LARP4: variants seen among roughly 807,000 people sequenced by gnomAD.
LARP4 encodes the protein la-related protein 4.
LARP4 carries 29 observed loss-of-function variants against 92.9 expected under a neutral mutation model. The ratio of observed to expected loss-of-function variants is 0.31; its 90% CI spans 0.23 to 0.43. The LOEUF (loss-of-function observed/expected upper bound fraction) is 0.43, where lower values mean the gene tolerates loss of function less well. Ranked by LOEUF, LARP4 falls within the 20% of genes least tolerant of loss-of-function variation. The pLI is 1.00. For synonymous variants in LARP4, 279 were observed against 284.1 expected, an observed-to-expected ratio of 0.98 and a Z score of 0.18; for missense variants, 732 against 860.0, an observed-to-expected ratio of 0.85 and a Z score of 1.86.
chr12:50,438,527 C>T (rs1268405801), intron 6 of LARP4, among the ~76,000 whole-genome samples: 1 of 150,730 alleles, frequency 6.6e-6, no homozygotes, highest in African/African-American at 2.4e-5. Context: ...GCAGGACTAA[C>T]CCTATTGTTC....
chr12:50,473,823 T>A (rs147592828), intron 14 of LARP4, among the ~76,000 whole-genome samples, 176 bp from the exon 15 acceptor site: 7 of 18,144 alleles, frequency 3.9e-4, no homozygotes, highest in Admixed American at 2.9e-3. Flanking sequence ...GTGGGGGGGG[T>A]GGGGGGTGCG....
chr12:50,430,948 C>T (rs1949559586), intron 4 of LARP4, among the ~76,000 whole-genome samples: 1 of 152,164 alleles, frequency 6.6e-6, no homozygotes, highest in Non-Finnish European at 1.5e-5. Context: ...AGGCGTATGG[C>T]ACCACACTCG....
intron 1 of LARP4, among the ~76,000 whole-genome samples, chr12:50,409,847 G>A (rs1945528938): frequency 6.6e-6 from 1 of 151,514 alleles, no homozygotes; most frequent in Admixed American, 6.6e-5. Flanking sequence ...TGCCCAGGCT[G>A]GAGCGATCTT....
intron 7 of LARP4, 61 bp from the exon 8 acceptor site, chr12:50,441,527 TAA>T (rs1209354809): frequency 1.7e-6 from 2 of 1,211,398 alleles, no homozygotes; most frequent in African/African-American, 3.1e-5. Flanking sequence ...CTCAACATAA[TAA>T]AGATAACTTT....
At chr12:50,429,418 T>A (rs1949301160) in intron 3 of LARP4, among the ~76,000 whole-genome samples, 1 of 151,710 alleles carries the variant, frequency 6.6e-6, no homozygotes, top group Non-Finnish European at 1.5e-5. Context: ...GAGACTAGCC[T>A]GGCCAACATG....
At chr12:50,459,906 A>G (rs1220430911) in intron 10 of LARP4, among the ~76,000 whole-genome samples, 1 of 151,516 alleles carries the variant, frequency 6.6e-6, no homozygotes, top group East Asian at 2.0e-4. Flanking sequence ...TGGGAGGCCA[A>G]GGTGGGCGGT....
intron 8 of LARP4, among the ~76,000 whole-genome samples, chr12:50,444,528 G>A (rs79326080): frequency 4.6e-5 from 7 of 152,114 alleles, no homozygotes; most frequent in African/African-American, 1.7e-4. Flanking sequence ...GGAAAGACAG[G>A]TGCAGAAGCA....
At chr12:50,461,007 T>G in intron 10 of LARP4, 128 bp from the exon 11 acceptor site, 1 of 714,918 alleles carries the variant, frequency 1.4e-6, no homozygotes. Context: ...TTTTACAACA[T>G]TATTCTTTTG....
rs1950289823 is a variant in LARP4, at chr12:50,435,639, C to CT, written c.535+19dup. 6.5e-7 allele frequency: 1 copy of CT among 1,536,392 alleles called. No homozygotes were observed. ...AGTGTTAAGATGTATGTAAAAATAC[C>CT]TTTTAGCTTTTTTTTTAATTTTTAA... On this transcript the variant is annotated intron_variant, in intron 5 of 15. Transcript: ENST00000398473.
intron 6 of LARP4, among the ~76,000 whole-genome samples, chr12:50,439,729 T>C (rs1347930873): frequency 2.0e-5 from 3 of 152,224 alleles, no homozygotes; most frequent in Non-Finnish European, 4.4e-5. Flanking sequence ...TCAGTAGATA[T>C]TTTCTTTCCT....
At chr12:50,417,578 C>T (rs998224808) in intron 1 of LARP4, among the ~76,000 whole-genome samples, 4 of 152,134 alleles carry the variant, frequency 2.6e-5, no homozygotes, top group Admixed American at 6.6e-5. Flanking sequence ...TTTAGCTCCC[C>T]TGTAAGGGCT....
intron 4 of LARP4, among the ~76,000 whole-genome samples, chr12:50,432,627 A>G (rs1194732427): frequency 1.3e-5 from 2 of 152,148 alleles, no homozygotes; most frequent in Non-Finnish European, 2.9e-5. Context: ...TGGGAGGCCA[A>G]GGCAGGCGGA....
chr12:50,459,453 G>T (rs1002048892), intron 10 of LARP4, among the ~76,000 whole-genome samples: 2 of 152,074 alleles, frequency 1.3e-5, no homozygotes, highest in South Asian at 4.1e-4. Context: ...GTATGTATCT[G>T]TGCTTTATAC....
chr12:50,402,913 C>G (rs1405300491), intron 1 of LARP4: 1 of 414,200 alleles, frequency 2.4e-6, no homozygotes, highest in Non-Finnish European at 4.8e-6. Context: ...TCTTCATTTT[C>G]TCATATGAGT....
chr12:50,431,387 AAAGT>A (rs1411949094), intron 4 of LARP4, among the ~76,000 whole-genome samples: 1 of 152,196 alleles, frequency 6.6e-6, no homozygotes, highest in Non-Finnish European at 1.5e-5. Flanking sequence ...GAATTGACAA[AAAGT>A]TATTTCTTAA....
chr12:50,462,522 G>A (rs1233401333), intron 11 of LARP4, 60 bp from the exon 12 acceptor site: 4 of 948,996 alleles, frequency 4.2e-6, no homozygotes, highest in Non-Finnish European at 6.6e-6. Flanking sequence ...GTATATATCT[G>A]AAGAAACTTA....
intron 14 of LARP4, 120 bp downstream of exon 14, chr12:50,473,656 G>T: frequency 1.0e-6 from 1 of 971,514 alleles, no homozygotes; most frequent in Non-Finnish European, 1.5e-6. Context: ...ACCTGAGGTC[G>T]GGAGTTCAAG....
intron 15 of LARP4, among the ~76,000 whole-genome samples, chr12:50,474,513 AATTTTTTGT>A (rs757184278): frequency 6.6e-6 from 1 of 152,146 alleles, no homozygotes; most frequent in Admixed American, 6.5e-5. Context: ...ATGCCTGGCT[AATTTTTTGT>A]ATTTTTAGTA....
At chr12:50,437,953 G>A in intron 6 of LARP4, 115 bp downstream of exon 6, 1 of 596,172 alleles carries the variant, frequency 1.7e-6, no homozygotes, top group Non-Finnish European at 3.0e-6. Flanking sequence ...CAAAGCATAA[G>A]TCAGTGCCTT....
Sources: allele counts gnomAD v4.1 joint callset (sites outside exome capture counted in the v4.1 genomes callset), GRCh38; gene constraint gnomAD v4.1.1; transcripts MANE v1.5; gene names NCBI Gene and HGNC (gene_info 2026-07-23, HGNC 2026-07-21).